Variants in TBC1D19 observed in about 807,000 individuals in gnomAD.
TBC1D19 encodes the protein TBC1 domain family member 19.
Under a neutral mutation model 89.0 loss-of-function variants are expected in TBC1D19, and 60 were observed. The ratio of observed to expected loss-of-function variants is 0.67; its 90% confidence interval spans 0.55 to 0.84. The LOEUF is 0.84. Among genes scored for constraint, TBC1D19 ranks in the 40% least tolerant of loss-of-function variants. The pLI is 0.00. For missense variants in TBC1D19, 500 were observed against 610.8 expected (o/e 0.82, Z 1.91); for synonymous variants, 189 against 199.7 (o/e 0.95, Z 0.45).
At chr4:26,752,861 A>G (rs1454356803) in intron 19 of TBC1D19, among the ~76,000 whole-genome samples, 5 of 152,064 alleles carry the variant, frequency 3.3e-5, no homozygotes, top group Non-Finnish European at 4.4e-5. Context: ...GGTTTTTGCC[A>G]TGTTGCCCAG....
chr4:26,823,261 GC>G, the TBC1D19 span, among the ~76,000 whole-genome samples: 1 of 152,082 alleles, frequency 6.6e-6, no homozygotes, highest in Non-Finnish European at 1.5e-5. Context: ...GGAAAGACCT[GC>G]CCCCATGATT....
intron 7 of TBC1D19, among the ~76,000 whole-genome samples, chr4:26,644,461 G>T (rs1051461447): frequency 1.3e-5 from 2 of 152,094 alleles, no homozygotes; most frequent in Non-Finnish European, 2.9e-5. Context: ...CCCACAGCCA[G>T]TATCATACTG....
At chr4:26,806,906 G>A in the TBC1D19 span, among the ~76,000 whole-genome samples, 1 of 152,174 alleles carries the variant, frequency 6.6e-6, no homozygotes. Context: ...AGGCAAGGAA[G>A]GGTCGTCTCC....
chr4:26,806,889 T>C, the TBC1D19 span, among the ~76,000 whole-genome samples: 1 of 152,084 alleles, frequency 6.6e-6, no homozygotes, highest in Non-Finnish European at 1.5e-5. Context: ...TGCCAGAAGC[T>C]AGGAAGAGGC....
chr4:26,718,056 C>A (rs752675671), intron 14 of TBC1D19, 39 bp downstream of exon 14: 2 of 1,437,410 alleles, frequency 1.4e-6, no homozygotes, highest in East Asian at 4.6e-5. Flanking sequence ...TTAAGACTTA[C>A]ATAATCATGC....
intron 16 of TBC1D19, among the ~76,000 whole-genome samples, chr4:26,738,543 A>G (rs1166573387): frequency 1.3e-5 from 2 of 151,872 alleles, no homozygotes; most frequent in Admixed American, 1.3e-4. Flanking sequence ...TATAAGTAGC[A>G]ATTTATTTAA....
chr4:26,674,786 A>G (rs1712645523), intron 11 of TBC1D19, among the ~76,000 whole-genome samples: 2 of 152,186 alleles, frequency 1.3e-5, no homozygotes, highest in South Asian at 4.1e-4. Context: ...ATCACCATTA[A>G]TAAAAGTAAT....
intron 18 of TBC1D19, among the ~76,000 whole-genome samples, chr4:26,747,597 G>A (rs1326504503): frequency 6.6e-6 from 1 of 152,120 alleles, no homozygotes; most frequent in African/African-American, 2.4e-5. Context: ...GATAATTCCA[G>A]CAAACAGTTT....
intron 1 of TBC1D19, among the ~76,000 whole-genome samples, chr4:26,595,554 C>T (rs2309413): frequency 0.46 from 69,279 of 151,928 alleles, 17,554 homozygotes; most frequent in Admixed American, 0.6. Context: ...CTATGTGTTA[C>T]ATTTAGGTCT....
chr4:26,836,556 GGTGTCTGA>G, the TBC1D19 span, among the ~76,000 whole-genome samples: 1 of 152,218 alleles, frequency 6.6e-6, no homozygotes, highest in Non-Finnish European at 1.5e-5. Context: ...GGTACGAACA[GGTGTCTGA>G]AAACTACATT....
chr4:26,656,394 GTTAT>G (rs1029565838), intron 7 of TBC1D19, among the ~76,000 whole-genome samples: 54 of 151,922 alleles, frequency 3.6e-4, no homozygotes, highest in African/African-American at 1.2e-4. Flanking sequence ...CTTCTAATGA[GTTAT>G]TTGTTTCATA....
chr4:26,591,231 A>AT (rs1033048933), intron 1 of TBC1D19, among the ~76,000 whole-genome samples: 40 of 150,378 alleles, frequency 2.7e-4, no homozygotes, highest in Admixed American at 6.6e-4. Context: ...TTGATAGCTG[A>AT]TTTTTTTTTC....
Position 26,666,396 on chromosome 4 carries a change from G to C in TBC1D19, c.655G>C (p.Val219Leu). 1 of 1,609,126 alleles carries C rather than the reference G, an allele frequency of 6.2e-7. No individual in the cohort carries two copies. Among genetic ancestry groups the C allele is most frequent in the Non-Finnish European group, 8.5e-7 (1 of 1,176,970 alleles). ...ACTGGGTATAGATGATTCTACACAA[G>C]TGCCTCCTGGTTAGTATTTTTCCAA... Reference protein sequence around the residue: ...GQLGIDDSTQVPPELFENEHV... With the variant: ...GQLGIDDSTQLPPELFENEHV... Residue 219 changes from valine (V) to leucine (L), a missense_variant, in exon 9 of 21, where the codon GTG (valine) becomes CTG (leucine). By Grantham distance (32) the Val-to-Leu change is conservative (BLOSUM62 1). Transcript: ENST00000264866.
At chr4:26,826,056 G>A in the TBC1D19 span, among the ~76,000 whole-genome samples, 1 of 152,154 alleles carries the variant, frequency 6.6e-6, no homozygotes, top group African/African-American at 2.4e-5. Flanking sequence ...ACAAAAATTA[G>A]CCAGGCTTGG....
At chr4:26,645,386 C>G (rs1381209439) in intron 7 of TBC1D19, among the ~76,000 whole-genome samples, 2 of 152,030 alleles carry the variant, frequency 1.3e-5, no homozygotes, top group African/African-American at 4.8e-5. Context: ...ACAAACCTGA[C>G]AAAAACAAGA....
chr4:26,622,461 C>A (rs1038781359), intron 4 of TBC1D19, among the ~76,000 whole-genome samples: 14 of 151,916 alleles, frequency 9.2e-5, no homozygotes, highest in African/African-American at 3.4e-4. Flanking sequence ...GAGCTTACTG[C>A]TAGCTGCTGA....
upstream of TBC1D19, among the ~76,000 whole-genome samples, chr4:26,581,855 A>C (rs1490571325): frequency 2.0e-5 from 3 of 152,210 alleles, no homozygotes; most frequent in Admixed American, 6.5e-5. Context: ...GTGTTCTGAA[A>C]AGTTTTGCTA....
At chr4:26,795,556 G>T in the TBC1D19 span, among the ~76,000 whole-genome samples, 1 of 152,282 alleles carries the variant, frequency 6.6e-6, no homozygotes, top group South Asian at 2.1e-4. Flanking sequence ...TTGAATCAAT[G>T]ATTACAGGAT....
chr4:26,758,792 G>A (rs1020820124), downstream of TBC1D19, among the ~76,000 whole-genome samples: 3 of 152,138 alleles, frequency 2.0e-5, no homozygotes, highest in Middle Eastern at 6.8e-3. Flanking sequence ...CTAACTGATG[G>A]CAGTTATTTT....
Sources: allele counts gnomAD v4.1 joint callset (sites outside exome capture counted in the v4.1 genomes callset), GRCh38; gene constraint gnomAD v4.1.1; transcripts MANE v1.5; gene names NCBI Gene and HGNC (gene_info 2026-07-23, HGNC 2026-07-21).